The following GRM7 variants were observed in gnomAD, a reference collection of about 807,000 sequenced individuals.
The protein encoded by GRM7 is metabotropic glutamate receptor 7.
In GRM7, 35 loss-of-function variants were observed where a neutral mutation model predicts 84.5. That is an observed-to-expected ratio of 0.41 (90% CI 0.32 to 0.55). The LOEUF (loss-of-function observed/expected upper bound fraction) is 0.55, where lower values mean the gene tolerates loss of function less well. GRM7 is among the 20% of genes least tolerant of loss of function. GRM7 has a pLI of 0.19. For synonymous variants in GRM7, 487 were observed against 455.1 expected (o/e 1.07, Z -0.89); for missense variants, 1,003 against 1,194.6 (o/e 0.84, Z 2.36).
intron 1 of GRM7, among the ~76,000 whole-genome samples, chr3:6,997,483 G>A (rs1309797737): frequency 6.6e-6 from 1 of 152,076 alleles, no homozygotes; most frequent in South Asian, 2.1e-4. Context: ...GAGCAAAATG[G>A]GGGAAAGCCC....
intron 1 of GRM7, among the ~76,000 whole-genome samples, chr3:6,885,999 A>T (rs79446851): frequency 0.023 from 3,468 of 152,260 alleles, 64 homozygotes; most frequent in Non-Finnish European, 0.031. Flanking sequence ...GTATATATTC[A>T]ACATGTACCA....
intron 8 of GRM7, among the ~76,000 whole-genome samples, chr3:7,609,919 G>A (rs1244935366): frequency 6.6e-6 from 1 of 152,174 alleles, no homozygotes; most frequent in Non-Finnish European, 1.5e-5. Context: ...TCTGGATATA[G>A]CCATCCCATT....
intron 2 of GRM7, among the ~76,000 whole-genome samples, chr3:7,196,500 G>T (rs1695884638): frequency 6.6e-6 from 1 of 152,058 alleles, no homozygotes; most frequent in Non-Finnish European, 1.5e-5. Flanking sequence ...CAAAGACAGG[G>T]ACCGTCTTTC....
At position 7,067,483 on chromosome 3, in the gene GRM7, T is replaced by G. The variant is rs141105960; in HGVS notation, c.520-78969T>G. On this transcript the variant is annotated intron_variant, in intron 1 of 9. Transcript: ENST00000357716. ...TACCTAACAAAGGAGTTGAAAGACC[T>G]CTACAAGGAAAACTACAAAGCACTG... Among the ~76,000 whole-genome samples, 729 of 152,094 alleles carry G rather than the reference T, an allele frequency of 4.8e-3. 7 individuals carry two copies. The highest frequency in any genetic ancestry group is 0.017 in the African/African-American group (690 of 41,514).
intron 7 of GRM7, among the ~76,000 whole-genome samples, chr3:7,549,410 A>G (rs1693330962): frequency 6.6e-6 from 1 of 152,172 alleles, no homozygotes. Flanking sequence ...AAATCAAGAA[A>G]TGCTGCAAAT....
chr3:7,546,705 T>A (rs1398479228), intron 7 of GRM7, among the ~76,000 whole-genome samples: 2 of 152,168 alleles, frequency 1.3e-5, no homozygotes, highest in Admixed American at 1.3e-4. Context: ...AGAGTTTTTT[T>A]TTTTCTTACA....
chr3:7,333,335 C>CAGCCCAG (rs1367987680), intron 4 of GRM7, among the ~76,000 whole-genome samples: 1 of 152,170 alleles, frequency 6.6e-6, no homozygotes, highest in African/African-American at 2.4e-5. Context: ...TCGCCAGCAC[C>CAGCCCAG]AGCCCAGAGC....
chr3:7,149,985 A>C (rs1694232639), intron 2 of GRM7, among the ~76,000 whole-genome samples: 1 of 152,144 alleles, frequency 6.6e-6, no homozygotes, highest in Non-Finnish European at 1.5e-5. Context: ...ACATGCTGTC[A>C]TGATGTAAGA....
intron 5 of GRM7, among the ~76,000 whole-genome samples, chr3:7,441,525 T>G (rs1697287761): frequency 6.6e-6 from 1 of 152,168 alleles, no homozygotes; most frequent in African/African-American, 2.4e-5. Context: ...TTTGTTGCAG[T>G]TGCTTTTGTT....
At chr3:7,359,000 T>C (rs1693538236) in intron 4 of GRM7, among the ~76,000 whole-genome samples, 1 of 151,114 alleles carries the variant, frequency 6.6e-6, no homozygotes, top group South Asian at 2.1e-4. Context: ...AAGCCTATAA[T>C]CCCAGCTACT....
chr3:6,876,422 G>T (rs1215016003), intron 1 of GRM7, among the ~76,000 whole-genome samples: 1 of 152,008 alleles, frequency 6.6e-6, no homozygotes, highest in African/African-American at 2.4e-5. Context: ...GTGGCAAATG[G>T]ATTGTTTCAT....
intron 1 of GRM7, among the ~76,000 whole-genome samples, chr3:6,924,968 G>T (rs1448926324): frequency 6.6e-6 from 1 of 152,084 alleles, no homozygotes; most frequent in Non-Finnish European, 1.5e-5. Flanking sequence ...ATAATATAGG[G>T]ACCCACAGTT....
intron 1 of GRM7, among the ~76,000 whole-genome samples, chr3:7,122,434 A>G (rs1693257253): frequency 6.6e-6 from 1 of 152,200 alleles, no homozygotes; most frequent in South Asian, 2.1e-4. Flanking sequence ...GATTTTTTTA[A>G]GAAACCCTAA....
intron 8 of GRM7, among the ~76,000 whole-genome samples, chr3:7,581,576 T>A (rs1695253253): frequency 6.6e-6 from 1 of 152,174 alleles, no homozygotes; most frequent in African/African-American, 2.4e-5. Flanking sequence ...AGTGGCCAAT[T>A]ATCAAATGTA....
intron 1 of GRM7, among the ~76,000 whole-genome samples, chr3:6,946,465 C>T (rs1335103660): frequency 2.0e-5 from 3 of 152,098 alleles, no homozygotes; most frequent in East Asian, 3.9e-4. Context: ...TACTGTAGCC[C>T]TGTAGTATAG....
chr3:7,640,212 A>C (rs1016545069), intron 8 of GRM7, among the ~76,000 whole-genome samples: 2 of 152,184 alleles, frequency 1.3e-5, no homozygotes, highest in African/African-American at 4.8e-5. Context: ...TTCTTAGCTC[A>C]CTAGATGACT....
intron 2 of GRM7, among the ~76,000 whole-genome samples, chr3:7,215,707 C>T (rs1696586822): frequency 6.6e-6 from 1 of 151,864 alleles, no homozygotes; most frequent in South Asian, 2.1e-4. Context: ...TTCTTTTCTA[C>T]TCTGAAAAGT....
At chr3:7,528,033 G>C (rs780797838) in intron 7 of GRM7, among the ~76,000 whole-genome samples, 2 of 151,888 alleles carry the variant, frequency 1.3e-5, no homozygotes, top group Non-Finnish European at 2.9e-5. Context: ...CATAATACTG[G>C]TTTCACAGAA....
intron 7 of GRM7, among the ~76,000 whole-genome samples, chr3:7,529,889 A>G (rs1575457866): frequency 6.8e-6 from 1 of 146,344 alleles, no homozygotes; most frequent in Non-Finnish European, 1.5e-5. Context: ...AAATCAGGAG[A>G]CCACTGGCTG....
Sources: gnomAD v4.1 joint callset for allele counts (sites outside exome capture counted in the v4.1 genomes callset) on GRCh38, gnomAD v4.1.1 for gene constraint, MANE v1.5 for transcripts, NCBI Gene and HGNC (gene_info 2026-07-23, HGNC 2026-07-21) for gene names.